Variants in OPCML observed in about 807,000 individuals in gnomAD.
The protein encoded by OPCML is opioid binding protein/cell adhesion molecule like, also known as opioid-binding protein/cell adhesion molecule.
OPCML carries 13 observed loss-of-function variants against 37.8 expected under a neutral mutation model. The ratio of observed to expected loss-of-function variants is 0.34; its 90% CI spans 0.22 to 0.55. OPCML has a LOEUF of 0.55. Among genes scored for constraint, OPCML ranks in the 20% least tolerant of loss-of-function variants. The pLI, the probability that OPCML is intolerant of heterozygous loss-of-function variation, is 0.91. For missense variants in OPCML, 341 were observed against 435.6 expected (o/e 0.78, Z 1.93); for synonymous variants, 176 against 168.8 (o/e 1.04, Z -0.33).
intron 4 of OPCML, among the ~76,000 whole-genome samples, chr11:132,451,249 G>A (rs565831181): frequency 1.3e-5 from 2 of 152,148 alleles, no homozygotes; most frequent in African/African-American, 2.4e-5. Context: ...ATCACCAGCA[G>A]ATTGTAAATG....
intron 1 of OPCML, among the ~76,000 whole-genome samples, chr11:133,050,720 CTTTTT>C (rs71038515): frequency 2.2e-4 from 31 of 144,090 alleles, no homozygotes; most frequent in African/African-American, 7.2e-4. Flanking sequence ...CTTCTTCTTC[CTTTTT>C]TTTTTTTTTC....
At position 133,391,535 on chromosome 11, in the gene OPCML, A is replaced by C. The variant is rs1443236798; in HGVS notation, c.61+140729T>G. On this transcript the variant is annotated intron_variant, in intron 1 of 7. Coordinates refer to ENST00000524381, the MANE Select transcript of OPCML (RefSeq NM_001012393.5). ...AACCATCCTTTAGCTGCTGAGTCTTAGCTCTCATCCGCTGAGCGCTCTGCT... is the reference window on the plus strand; with the variant it reads ...AACCATCCTTTAGCTGCTGAGTCTTCGCTCTCATCCGCTGAGCGCTCTGCT... Among the ~76,000 whole-genome samples the C allele has an allele frequency of 2.0e-5, 3 of 152,166 alleles. No individual in the cohort carries two copies. In the East Asian group the frequency reaches 5.8e-4, roughly 29 times the overall value.
chr11:132,889,926 C>T (rs978235259), intron 2 of OPCML, among the ~76,000 whole-genome samples: 1 of 152,154 alleles, frequency 6.6e-6, no homozygotes, highest in Admixed American at 6.5e-5. Flanking sequence ...GCATAGACAC[C>T]GTTCAATATG....
intron 2 of OPCML, among the ~76,000 whole-genome samples, chr11:132,685,515 G>T (rs1943128269): frequency 6.6e-6 from 1 of 152,118 alleles, no homozygotes; most frequent in Admixed American, 6.5e-5. Context: ...TAGACAAGCT[G>T]CAAAAAACCA....
At chr11:132,601,177 C>A (rs189157529) in intron 3 of OPCML, among the ~76,000 whole-genome samples, 1 of 152,148 alleles carries the variant, frequency 6.6e-6, no homozygotes, top group East Asian at 1.9e-4. Flanking sequence ...CTGTAAACTA[C>A]CCCCATGTGG....
intron 1 of OPCML, among the ~76,000 whole-genome samples, chr11:133,332,464 T>TGAATAGAAGTGGTGAGA (rs1329715452): frequency 3.3e-5 from 5 of 152,120 alleles, no homozygotes; most frequent in East Asian, 1.9e-4. Context: ...CATACTATGT[T>TGAATAGAAGTGGTGAGA]GAATAGAAGT....
intron 1 of OPCML, among the ~76,000 whole-genome samples, chr11:133,364,772 T>A (rs1419382527): frequency 2.0e-5 from 3 of 152,122 alleles, no homozygotes; most frequent in Non-Finnish European, 2.9e-5. Flanking sequence ...ACTCTGAATT[T>A]TTTCAAAATG....
chr11:132,992,722 C>A (rs977988365), intron 1 of OPCML, among the ~76,000 whole-genome samples: 4 of 152,106 alleles, frequency 2.6e-5, no homozygotes, highest in Admixed American at 2.6e-4. Context: ...GATTAAAGGG[C>A]AAAAATGACA....
At chr11:133,348,368 A>G (rs745375512) in intron 1 of OPCML, among the ~76,000 whole-genome samples, 2 of 152,224 alleles carry the variant, frequency 1.3e-5, no homozygotes, top group Non-Finnish European at 2.9e-5. Flanking sequence ...AATGTCGTGC[A>G]TCGAGCAGGT....
intron 2 of OPCML, among the ~76,000 whole-genome samples, chr11:132,704,139 C>T (rs1943941170): frequency 1.3e-5 from 2 of 152,130 alleles, no homozygotes; most frequent in Admixed American, 1.3e-4. Flanking sequence ...GAGCCTGAGT[C>T]CACAGGAGCC....
At chr11:132,950,088 G>A (rs78283189) in intron 1 of OPCML, among the ~76,000 whole-genome samples, 2,731 of 152,286 alleles carry the variant, frequency 0.018, 84 homozygotes, top group African/African-American at 0.063. Flanking sequence ...CAGCCGCGCT[G>A]GGCCTTGAAG....
chr11:133,077,533 G>T (rs114008542), intron 1 of OPCML, among the ~76,000 whole-genome samples: 1 of 152,096 alleles, frequency 6.6e-6, no homozygotes, highest in Admixed American at 6.6e-5. Context: ...CTAGAACTCG[G>T]TAAGAATTTT....
chr11:132,436,788 A>AAC lies in OPCML; in HGVS notation c.644-11_644-10dup, dbSNP rs145479085. On this transcript the variant is annotated splice_polypyrimidine_tract_variant and intron_variant, in intron 5 of 7. Coordinates refer to ENST00000524381, the MANE Select transcript of OPCML (RefSeq NM_001012393.5). Reference sequence around the variant, plus strand: ...TGAGATATAGGGAGGATCTGTGGGAAACACACACACACACATGCACAGGCA... The same window carrying AAC: ...TGAGATATAGGGAGGATCTGTGGGAAACACACACACACACACATGCACAGGCA... 129 of 1,604,528 alleles carry AAC rather than the reference A, an allele frequency of 8.0e-5. No homozygotes were observed. Among genetic ancestry groups the AAC allele is most frequent in the East Asian group, 2.3e-4 (10 of 44,402 alleles).
chr11:132,516,664 T>A (rs1185977156), intron 4 of OPCML, among the ~76,000 whole-genome samples: 1 of 151,552 alleles, frequency 6.6e-6, no homozygotes, highest in Non-Finnish European at 1.5e-5. Context: ...ACAAACTAAT[T>A]GCTCTTCATA....
intron 4 of OPCML, among the ~76,000 whole-genome samples, chr11:132,522,385 C>T (rs1300742498): frequency 6.6e-6 from 1 of 152,168 alleles, no homozygotes; most frequent in Non-Finnish European, 1.5e-5. Flanking sequence ...CACTTTTCTC[C>T]CAAGGCTGCT....
intron 1 of OPCML, chr11:133,532,024 C>T (rs1176597231): frequency 4.8e-6 from 1 of 207,532 alleles, no homozygotes; most frequent in African/African-American, 2.4e-5. Context: ...GATCTCGAAC[C>T]CAGCTCACTG....
At chr11:133,053,989 C>T (rs1272072855) in intron 1 of OPCML, among the ~76,000 whole-genome samples, 1 of 152,204 alleles carries the variant, frequency 6.6e-6, no homozygotes, top group African/African-American at 2.4e-5. Flanking sequence ...GGGTCTCAAT[C>T]TTGGTAAACA....
intron 2 of OPCML, among the ~76,000 whole-genome samples, chr11:132,775,253 G>A (rs772138504): frequency 6.6e-6 from 1 of 152,198 alleles, no homozygotes; most frequent in Non-Finnish European, 1.5e-5. Flanking sequence ...AGCTATCAGA[G>A]CTACTTGTAG....
intron 1 of OPCML, among the ~76,000 whole-genome samples, chr11:133,043,212 C>A (rs1947941637): frequency 2.0e-5 from 3 of 152,144 alleles, no homozygotes; most frequent in African/African-American, 7.2e-5. Context: ...GAGAGCCCAG[C>A]TGGGATTGTG....
Sources: gnomAD v4.1 joint callset for allele counts (sites outside exome capture counted in the v4.1 genomes callset) on GRCh38, gnomAD v4.1.1 for gene constraint, MANE v1.5 for transcripts, NCBI Gene and HGNC (gene_info 2026-07-23, HGNC 2026-07-21) for gene names.